SMIM36: variants seen among roughly 807,000 people sequenced by gnomAD.
SMIM36 encodes the protein small integral membrane protein 36.
At chr17:55,495,824 T>C (rs933421677) in intron 1 of SMIM36, among the ~76,000 whole-genome samples, 3 of 152,030 alleles carry the variant, frequency 2.0e-5, no homozygotes, top group Non-Finnish European at 2.9e-5. Context: ...AGACCAATAA[T>C]GGGTAAAAAA....
At chr17:55,456,382 C>A (rs9303369) in intron 4 of SMIM36, among the ~76,000 whole-genome samples, 107,902 of 152,032 alleles carry the variant, frequency 0.71, 38,951 homozygotes, top group Non-Finnish European at 0.75. Flanking sequence ...CTGTAAAGCA[C>A]AGAAGTCTGA....
chr17:55,502,056 C>G (rs1909997870), intron 1 of SMIM36, among the ~76,000 whole-genome samples: 1 of 151,926 alleles, frequency 6.6e-6, no homozygotes, highest in Non-Finnish European at 1.5e-5. Flanking sequence ...TATCCCACAC[C>G]TGGCTCTGAG....
At chr17:55,463,196 T>C (rs909546064) in intron 4 of SMIM36, among the ~76,000 whole-genome samples, 6 of 152,108 alleles carry the variant, frequency 3.9e-5, no homozygotes, top group Non-Finnish European at 7.3e-5. Flanking sequence ...TTATTTTTCC[T>C]ATACATAATG....
the SMIM36 span, among the ~76,000 whole-genome samples, chr17:55,531,773 T>G: frequency 7.9e-5 from 12 of 152,192 alleles, no homozygotes; most frequent in Non-Finnish European, 1.5e-4. Flanking sequence ...GACATAATTG[T>G]TTAAGAAGCG....
At chr17:55,527,957 T>C in the SMIM36 span, 1 of 152,282 alleles carries the variant, frequency 6.6e-6, no homozygotes, top group African/African-American at 2.4e-5. Flanking sequence ...TTCATATGCG[T>C]GTTCATGCTG....
rs1468910783 is a variant in SMIM36, at chr17:55,502,194, A to G, written c.*174+8685T>C. ...GCTTGCTTAGGTAAACAAAGCAGCC[A>G]GGAAGCTCGAACTGGGTGGAGCCCA... On this transcript the variant is annotated intron_variant, in intron 1 of 4. Transcript: ENST00000636752. Among the ~76,000 whole-genome samples, 889 of 148,900 alleles carry G rather than the reference A, an allele frequency of 6.0e-3. 2 individuals carry two copies. The highest frequency in any genetic ancestry group is 8.1e-3 in the Non-Finnish European group (540 of 66,818).
chr17:55,453,244 G>A lies in SMIM36; in HGVS notation c.*532-2946C>T, dbSNP rs1046302779. Among the ~76,000 whole-genome samples the A allele has an allele frequency of 1.8e-3, 267 of 151,758 alleles. 4 individuals carry two copies. The highest frequency in any genetic ancestry group is 3.2e-4 in the Non-Finnish European group (22 of 68,030). ...AGGCGGGAAGATGGCTTGAGCCCAG[G>A]AGTTTGAGGCTGCAGTGAGCTATGA... On this transcript the variant is annotated intron_variant, in intron 4 of 4. Coordinates refer to ENST00000636752, the Ensembl canonical transcript of SMIM36.
chr17:55,514,730 TTAA>T (rs1419988586), upstream of SMIM36, among the ~76,000 whole-genome samples: 1 of 152,254 alleles, frequency 6.6e-6, no homozygotes, highest in Non-Finnish European at 1.5e-5. Flanking sequence ...GGAATATTAC[TTAA>T]TAATACCAGA....
intron 3 of SMIM36, among the ~76,000 whole-genome samples, chr17:55,473,015 C>T (rs1359700928): frequency 1.3e-5 from 2 of 152,156 alleles, no homozygotes; most frequent in African/African-American, 4.8e-5. Flanking sequence ...TCACTCTCAC[C>T]TACTCTTCTT....
chr17:55,453,005 T>C (rs1908948580), intron 4 of SMIM36, among the ~76,000 whole-genome samples: 1 of 152,178 alleles, frequency 6.6e-6, no homozygotes, highest in Non-Finnish European at 1.5e-5. Context: ...ACCTGGGCAG[T>C]TCCTTAGAAT....
chr17:55,479,396 C>A (rs569987845), intron 2 of SMIM36, 64 bp downstream of exon 2: 1 of 152,096 alleles, frequency 6.6e-6, no homozygotes, highest in Non-Finnish European at 1.5e-5. Context: ...ACCAGCCTGG[C>A]CAATATGGAG....
chr17:55,463,974 G>C (rs563272804), intron 4 of SMIM36, among the ~76,000 whole-genome samples: 1 of 152,136 alleles, frequency 6.6e-6, no homozygotes, highest in East Asian at 1.9e-4. Context: ...AAATTAGCCT[G>C]GTGTGGAGGC....
the SMIM36 span, among the ~76,000 whole-genome samples, chr17:55,531,407 C>T: frequency 6.6e-6 from 1 of 152,150 alleles, no homozygotes; most frequent in African/African-American, 2.4e-5. Context: ...TTGTCTTGGC[C>T]TGGTGTATAT....
rs1436403134 is a variant in SMIM36, at chr17:55,501,176, TTATAATA to T, written c.*174+9696_*174+9702del. 1.9e-4 allele frequency among the ~76,000 whole-genome samples: 18 copies of T among 94,038 alleles called. 4 individuals carry two copies. The highest frequency in any genetic ancestry group is 7.4e-4 in the African/African-American group (18 of 24,184). 61.7% of individuals were successfully genotyped at this position (94,038 alleles called of 152,430 possible). On this transcript the variant is annotated intron_variant, in intron 1 of 4. Transcript: ENST00000636752. ...TATAATATATAATATATCTTATATA[TTATAATA>T]TATAATATATCTTATATATTATAAT...
At chr17:55,482,357 C>G (rs1909535282) in intron 1 of SMIM36, among the ~76,000 whole-genome samples, 2 of 152,282 alleles carry the variant, frequency 1.3e-5, no homozygotes, top group East Asian at 3.9e-4. Context: ...AAATCTATTC[C>G]TATTCTTTAG....
At chr17:55,514,276 T>C (rs1271021631), upstream of SMIM36, among the ~76,000 whole-genome samples, 4 of 152,094 alleles carry the variant, frequency 2.6e-5, no homozygotes, top group East Asian at 5.8e-4. Context: ...CAGGGTGACA[T>C]AGGTAAAAAC....
intron 1 of SMIM36, among the ~76,000 whole-genome samples, chr17:55,492,475 A>C (rs1909730361): frequency 6.6e-6 from 1 of 151,276 alleles, no homozygotes; most frequent in Admixed American, 6.6e-5. Flanking sequence ...CGATCTCTTG[A>C]CCTCATACGT....
chr17:55,524,339 T>G, the SMIM36 span, among the ~76,000 whole-genome samples: 1 of 152,174 alleles, frequency 6.6e-6, no homozygotes, highest in African/African-American at 2.4e-5. Context: ...GACATTAGGG[T>G]GATTCCACGT....
intron 4 of SMIM36, chr17:55,453,978 T>A (rs1382661939): frequency 1.3e-5 from 2 of 152,178 alleles, no homozygotes; most frequent in Non-Finnish European, 2.9e-5. Flanking sequence ...TAGTTCTCTG[T>A]GCATAGAAAT....
Sources: gnomAD v4.1 joint callset for allele counts (sites outside exome capture counted in the v4.1 genomes callset) on GRCh38, gnomAD v4.1.1 for gene constraint, MANE v1.5 for transcripts, NCBI Gene and HGNC (gene_info 2026-07-23, HGNC 2026-07-21) for gene names.